TRIO: variants seen among roughly 807,000 people sequenced by gnomAD.
TRIO encodes triple functional domain protein.
TRIO carries 58 observed loss-of-function variants against 351.9 expected under a neutral mutation model. That is an observed-to-expected ratio of 0.16 (90% CI 0.13 to 0.21). The LOEUF (loss-of-function observed/expected upper bound fraction) is 0.21. Among genes scored for constraint, TRIO ranks in the 10% least tolerant of loss-of-function variants. TRIO has a pLI of 1.00. For missense variants in TRIO, 3,201 were observed against 4,027.8 expected (o/e 0.79, Z 5.56); for synonymous variants, 1,758 against 1,595.7 (o/e 1.10, Z -2.42).
chr5:14,325,008 T>A (rs1740238735), intron 9 of TRIO, among the ~76,000 whole-genome samples: 1 of 152,202 alleles, frequency 6.6e-6, no homozygotes, highest in Admixed American at 6.5e-5. Flanking sequence ...GTGGTTGAGA[T>A]CATGGAACTG....
chr5:14,497,775 G>T lies in TRIO; in HGVS notation c.8020-72G>T. ...TGCAAATCTTTCAACAATAATTGTAGCCCTGGAATGAAAGGAATACACCTT... is the reference window on the plus strand; with the variant it reads ...TGCAAATCTTTCAACAATAATTGTATCCCTGGAATGAAAGGAATACACCTT... On this transcript the variant is annotated intron_variant, in intron 50 of 56. Coordinates refer to ENST00000344204, the MANE Select transcript of TRIO (RefSeq NM_007118.4). The surrounding 1 kb of genome is among the most constrained non-coding windows in gnomAD (Gnocchi z 4.4). The T allele has an allele frequency of 1.9e-6, 3 of 1,582,544 alleles. No homozygotes were observed. Among genetic ancestry groups the T allele is most frequent in the Non-Finnish European group, 2.6e-6 (3 of 1,151,558 alleles).
chr5:14,183,932 T>C, intron 1 of TRIO: 1 of 697,418 alleles, frequency 1.4e-6, no homozygotes. Context: ...AAAAGATTAA[T>C]AAATTACCCA....
chr5:14,184,114 A>G (rs1789957809), intron 1 of TRIO, among the ~76,000 whole-genome samples: 1 of 152,144 alleles, frequency 6.6e-6, no homozygotes, highest in South Asian at 2.1e-4. Context: ...GTGTGTTTGG[A>G]TGGTTGGGTG....
chr5:14,406,041 A>T, intron 32 of TRIO, 51 bp downstream of exon 32: 2 of 1,593,818 alleles, frequency 1.3e-6, no homozygotes, highest in African/African-American at 1.3e-5. Flanking sequence ...GGGAGGGGCG[A>T]GGCGGTGTTA....
rs1232018149 is a variant in TRIO, at chr5:14,485,254, GT to G, written c.6835+9del. 2 of 1,572,572 alleles carry G rather than the reference GT, an allele frequency of 1.3e-6. No individual in the cohort carries two copies. Among genetic ancestry groups the G allele is most frequent in the East Asian group, 4.6e-5 (2 of 43,892 alleles). Reference sequence around the variant, plus strand: ...AGCGCAATTTTTTAAATGGTAATGTGTGTTCTGTTACTAGATGTGTGCTTTC... The same window carrying G: ...AGCGCAATTTTTTAAATGGTAATGTGGTTCTGTTACTAGATGTGTGCTTTC... On this transcript the variant is annotated intron_variant, in intron 47 of 56. Coordinates refer to ENST00000344204, the MANE Select transcript of TRIO (RefSeq NM_007118.4).
chr5:14,278,883 A>G (rs1475841483), intron 2 of TRIO, among the ~76,000 whole-genome samples: 1 of 152,222 alleles, frequency 6.6e-6, no homozygotes, highest in Non-Finnish European at 1.5e-5. Flanking sequence ...CTAAAAAAGA[A>G]GTAAAGCCAG....
intron 1 of TRIO, among the ~76,000 whole-genome samples, chr5:14,196,756 G>A (rs1790799870): frequency 6.6e-6 from 1 of 152,182 alleles, no homozygotes; most frequent in African/African-American, 2.4e-5. Flanking sequence ...TGAGTCCAGT[G>A]TTCTTAGAAA....
At chr5:14,446,844 T>C (rs1752478001) in intron 34 of TRIO, among the ~76,000 whole-genome samples, 1 of 152,196 alleles carries the variant, frequency 6.6e-6, no homozygotes, top group Admixed American at 6.5e-5. Context: ...GGGGAAATAA[T>C]CTTCTGGTTC....
chr5:14,164,353 C>T (rs969774190), intron 1 of TRIO, among the ~76,000 whole-genome samples: 2 of 152,234 alleles, frequency 1.3e-5, no homozygotes, highest in Non-Finnish European at 2.9e-5. Context: ...ACAAGGTTGG[C>T]TCAACCTCCT....
intron 34 of TRIO, among the ~76,000 whole-genome samples, chr5:14,458,571 A>T (rs1753543627): frequency 6.6e-6 from 1 of 152,222 alleles, no homozygotes; most frequent in Non-Finnish European, 1.5e-5. Context: ...ACATGGATGA[A>T]GAAACTAGGT....
In TRIO at chr5:14,143,806, C is replaced by T. The variant is rs2152110654; in HGVS notation, c.81C>T (p.Gly27=). Residue 27 remains glycine (G), a synonymous_variant, in exon 1 of 57, where the codon GGC becomes GGT. Coordinates refer to ENST00000344204, the MANE Select transcript of TRIO (RefSeq NM_007118.4). ...PAAAASAAGS[G]CGGGAGEGAE... The stretch of plus-strand genomic sequence containing the variant: ...CGGCGGCCAGCGCGGCTGGCTCGGG[C>T]TGCGGGGGCGGTGCCGGCGAGGGGG... 1 of 1,052,704 alleles carries T rather than the reference C, an allele frequency of 9.5e-7. No individual in the cohort carries two copies. The allele number at this position is 1,052,704 out of a possible 1,614,324, so 65.2% of individuals were successfully genotyped here.
At chr5:14,480,348 A>AT (rs1158465217) in intron 43 of TRIO, among the ~76,000 whole-genome samples, 3 of 152,226 alleles carry the variant, frequency 2.0e-5, no homozygotes, top group Non-Finnish European at 4.4e-5. Context: ...AATTTTCTCA[A>AT]TTTTTTATTT....
At position 14,280,362 on chromosome 5, in the gene TRIO, G is replaced by A. The variant is rs760059943; in HGVS notation, c.273G>A (p.Pro91=). The part of the protein sequence containing the change: ...DKRGGPILTF[P]ARSNHDRIRQ... Reference sequence around the variant, plus strand: ...GTGGAGGTCCCATTTTAACGTTTCCGGCCCGCAGCAATCATGACAGAATAC... The same window carrying A: ...GTGGAGGTCCCATTTTAACGTTTCCAGCCCGCAGCAATCATGACAGAATAC... The change falls in exon 3 of 57, where the codon CCG becomes CCA. Residue 91 remains proline, a synonymous_variant. Transcript: ENST00000344204. 14 of 1,613,906 alleles carry A rather than the reference G, an allele frequency of 8.7e-6. No individual in the cohort carries two copies. The highest frequency in any genetic ancestry group is 1.7e-5 in the Admixed American group (1 of 59,990).
At chr5:14,359,084 C>T (rs1462955110) in intron 12 of TRIO, among the ~76,000 whole-genome samples, 2 of 152,196 alleles carry the variant, frequency 1.3e-5, no homozygotes, top group African/African-American at 2.4e-5. Context: ...AAAAATACAA[C>T]TCTAAAGTAA....
intron 5 of TRIO, among the ~76,000 whole-genome samples, chr5:14,292,240 T>G (rs758041544): frequency 2.0e-4 from 31 of 152,382 alleles, no homozygotes; most frequent in Non-Finnish European, 4.0e-4. Flanking sequence ...AAGCTTTTAA[T>G]GTATCTGTCA....
rs1744880007 is a variant in TRIO at position 14,369,368 on chromosome 5, T to C, written c.3067-6T>C. On this transcript the variant is annotated splice_polypyrimidine_tract_variant and splice_region_variant and intron_variant, in intron 17 of 56. Transcript: ENST00000344204. ...AGTCTGAGCCTCAAACTTTTCCTGCTCACAGGTCTGCAGCGTCCTCGAGAG... is the reference window on the plus strand; with the variant it reads ...AGTCTGAGCCTCAAACTTTTCCTGCCCACAGGTCTGCAGCGTCCTCGAGAG... 4 of 1,602,452 alleles carry C rather than the reference T, an allele frequency of 2.5e-6. No individual in the cohort carries two copies. Among genetic ancestry groups the C allele is most frequent in the Non-Finnish European group, 2.6e-6 (3 of 1,173,760 alleles).
chr5:14,182,716 A>T (rs1331892893), intron 1 of TRIO, among the ~76,000 whole-genome samples: 2 of 152,220 alleles, frequency 1.3e-5, no homozygotes, highest in African/African-American at 4.8e-5. Flanking sequence ...CTGTTGGAAC[A>T]TTCACTAGCC....
intron 28 of TRIO, 72 bp downstream of exon 28, chr5:14,394,202 A>T (rs781530056): frequency 2.0e-6 from 2 of 999,142 alleles, no homozygotes; most frequent in Admixed American, 2.6e-5. Context: ...CTATATATTT[A>T]TATAATTACC....
At chr5:14,381,352 C>A in intron 21 of TRIO, 100 bp downstream of exon 21, 1 of 1,410,524 alleles carries the variant, frequency 7.1e-7, no homozygotes, top group Non-Finnish European at 9.4e-7. Flanking sequence ...AAAAGGATGA[C>A]CCAGTGGGCT....
Sources: allele counts gnomAD v4.1 joint callset (sites outside exome capture counted in the v4.1 genomes callset), GRCh38; gene constraint gnomAD v4.1.1; non-coding constraint Gnocchi (gnomAD v3.1); transcripts MANE v1.5; gene names NCBI Gene and HGNC (gene_info 2026-07-23, HGNC 2026-07-21).